Variants in RGS6 observed in about 807,000 individuals in gnomAD.
RGS6 encodes the protein regulator of G protein signaling 6.
Under a neutral mutation model 78.5 loss-of-function variants are expected in RGS6, and 30 were observed. The observed-to-expected ratio is 0.38, with a 90% confidence interval of 0.29 to 0.52. The LOEUF is 0.52. RGS6 is among the 20% of genes least tolerant of loss of function. RGS6 has a pLI of 0.85. For synonymous variants in RGS6, 206 were observed against 206.0 expected, an observed-to-expected ratio of 1.00 and a Z score of 0.00; for missense variants, 495 against 609.7, an observed-to-expected ratio of 0.81 and a Z score of 1.98.
chr14:71,981,640 C>T (rs546244295), intron 2 of RGS6, among the ~76,000 whole-genome samples: 27 of 151,748 alleles, frequency 1.8e-4, no homozygotes, highest in Middle Eastern at 3.4e-3. Flanking sequence ...GCAGTCTGCC[C>T]GTTCTCAGAT....
chr14:72,287,554 T>A (rs3886822), intron 2 of RGS6, among the ~76,000 whole-genome samples: 52,629 of 152,070 alleles, frequency 0.35, 11,253 homozygotes, highest in Non-Finnish European at 0.47. Flanking sequence ...CCTCCCCAGT[T>A]CAAGTGATTC....
the RGS6 span, among the ~76,000 whole-genome samples, chr14:72,611,900 C>T: frequency 2.6e-5 from 4 of 152,104 alleles, no homozygotes; most frequent in Non-Finnish European, 4.4e-5. Flanking sequence ...TTACACCTTC[C>T]GTGATGGCGC....
chr14:72,449,635 C>A (rs145695228), intron 3 of RGS6, among the ~76,000 whole-genome samples: 70 of 152,292 alleles, frequency 4.6e-4, no homozygotes, highest in Middle Eastern at 3.4e-3. Flanking sequence ...AAGATCACTG[C>A]GTCTTACTCC....
At chr14:72,035,221 T>TACCATA (rs1402340030) in intron 2 of RGS6, among the ~76,000 whole-genome samples, 1 of 152,188 alleles carries the variant, frequency 6.6e-6, no homozygotes, top group Non-Finnish European at 1.5e-5. Flanking sequence ...TATGATTCAG[T>TACCATA]CTTGGTAGAT....
chr14:71,953,690 C>CA, intron 1 of RGS6, among the ~76,000 whole-genome samples: 1 of 151,710 alleles, frequency 6.6e-6, no homozygotes, highest in Non-Finnish European at 1.5e-5. Context: ...GAACATTATT[C>CA]AAAAGGGTCT....
intron 3 of RGS6, among the ~76,000 whole-genome samples, chr14:72,386,006 T>TA (rs1185147079): frequency 6.6e-6 from 1 of 152,068 alleles, no homozygotes; most frequent in Non-Finnish European, 1.5e-5. Context: ...GGATAAACCT[T>TA]AAAAATTTCA....
the RGS6 span, among the ~76,000 whole-genome samples, chr14:71,891,447 C>G: frequency 6.6e-6 from 1 of 152,176 alleles, no homozygotes; most frequent in African/African-American, 2.4e-5. Flanking sequence ...CTTGGCCTCT[C>G]CAGCAGGGTG....
chr14:72,595,127 T>C, the RGS6 span: 5 of 152,150 alleles, frequency 3.3e-5, no homozygotes, highest in Non-Finnish European at 5.9e-5. Context: ...GCCAGTTCAT[T>C]ATAGATGAAC....
At chr14:72,537,528 T>C in intron 16 of RGS6, 1 of 702,350 alleles carries the variant, frequency 1.4e-6, no homozygotes, top group Non-Finnish European at 2.6e-6. Context: ...GTGTGGCTAC[T>C]GTGATGGGCA....
At chr14:72,579,403 G>T in the RGS6 span, among the ~76,000 whole-genome samples, 2 of 152,188 alleles carry the variant, frequency 1.3e-5, no homozygotes. Flanking sequence ...CAGACAAAAA[G>T]CCAGTCAGCC....
chr14:72,184,749 G>T lies in RGS6; in HGVS notation c.85-167346G>T, dbSNP rs952999579. On this transcript the variant is annotated intron_variant, in intron 2 of 17. Transcript: ENST00000553525. ...AAGTTTATTATTTGCTTAAGCACAA[G>T]AAGATAAATGTTTTATCCTACTGGC... Among the ~76,000 whole-genome samples, 5 of 152,188 alleles carry T rather than the reference G, an allele frequency of 3.3e-5. No homozygotes were observed. In the South Asian group the frequency reaches 6.2e-4, roughly 19 times the overall value.
At chr14:72,073,168 T>C (rs1306539004) in intron 2 of RGS6, among the ~76,000 whole-genome samples, 5 of 152,200 alleles carry the variant, frequency 3.3e-5, no homozygotes, top group Admixed American at 2.6e-4. Context: ...GGATGAATGA[T>C]AAAAATACTG....
intron 14 of RGS6, among the ~76,000 whole-genome samples, chr14:72,517,433 C>G (rs1567034571): frequency 6.6e-6 from 1 of 152,196 alleles, no homozygotes; most frequent in Admixed American, 6.5e-5. Context: ...AGCTGTTGTC[C>G]AAGCTTTGGC....
At chr14:72,444,237 G>A (rs1238450702) in intron 3 of RGS6, among the ~76,000 whole-genome samples, 1 of 152,176 alleles carries the variant, frequency 6.6e-6, no homozygotes, top group East Asian at 1.9e-4. Flanking sequence ...CCTCGCCACA[G>A]CCCTCAGAGC....
Position 72,341,240 on chromosome 14 carries a change from A to G in RGS6, c.85-10855A>G, listed in dbSNP as rs1483826149. On this transcript the variant is annotated intron_variant, in intron 2 of 17. Coordinates refer to ENST00000553525, the MANE Select transcript of RGS6 (RefSeq NM_001204424.2). ...ACGAAGTCATGTCTTACATATCTGC[A>G]GAAGGAGGAAAAGAGCACAAAGATG... Among the ~76,000 whole-genome samples, 3 of 152,206 alleles carry G rather than the reference A, an allele frequency of 2.0e-5. No individual in the cohort carries two copies. The East Asian group carries it at 5.8e-4, about 29-fold the overall frequency.
rs771421915 is a variant in RGS6, at chr14:72,065,667, C to A, written c.84+100792C>A. Reference sequence around the variant, plus strand: ...TGTTTCTTTATTTTCAGATCTTTAACAAAGCTTCTCCTTAACCCAGAGGGT... The same window carrying A: ...TGTTTCTTTATTTTCAGATCTTTAAAAAAGCTTCTCCTTAACCCAGAGGGT... On this transcript the variant is annotated intron_variant, in intron 2 of 17. Transcript: ENST00000553525. Among the ~76,000 whole-genome samples, 32 of 152,278 alleles carry A rather than the reference C, an allele frequency of 2.1e-4. 1 individual carries two copies. The highest frequency in any genetic ancestry group is 6.5e-4 in the Admixed American group (10 of 15,304).
the RGS6 span, among the ~76,000 whole-genome samples, chr14:71,880,424 C>G: frequency 6.6e-6 from 1 of 152,206 alleles, no homozygotes; most frequent in Non-Finnish European, 1.5e-5. Flanking sequence ...TTCACTGTAG[C>G]CCCTCCTATC....
chr14:71,883,138 A>G, the RGS6 span, among the ~76,000 whole-genome samples: 5 of 152,242 alleles, frequency 3.3e-5, no homozygotes, highest in Non-Finnish European at 7.3e-5. Context: ...GTGATAACTC[A>G]GAAAATATTT....
At chr14:72,149,351 C>T (rs1415726722) in intron 2 of RGS6, among the ~76,000 whole-genome samples, 2 of 152,166 alleles carry the variant, frequency 1.3e-5, no homozygotes, top group Non-Finnish European at 2.9e-5. Context: ...AGAGTTCACT[C>T]TTCAATGGGG....
Sources: allele counts gnomAD v4.1 joint callset (sites outside exome capture counted in the v4.1 genomes callset), GRCh38; gene constraint gnomAD v4.1.1; transcripts MANE v1.5; gene names NCBI Gene and HGNC (gene_info 2026-07-23, HGNC 2026-07-21).